The following USP13 variants were observed in gnomAD, a reference collection of about 807,000 sequenced individuals.
USP13 encodes ubiquitin specific peptidase 13.
Under a neutral mutation model 107.8 loss-of-function variants are expected in USP13, and 68 were observed. That is an observed-to-expected ratio of 0.63 (90% CI 0.52 to 0.77). The LOEUF is 0.77. Ranked by LOEUF, USP13 falls within the 30% of genes least tolerant of loss-of-function variation. The pLI, the probability that USP13 is intolerant of heterozygous loss-of-function variation, is 0.00. For synonymous variants in USP13, 377 were observed against 389.5 expected (o/e 0.97, Z 0.38); for missense variants, 945 against 1,093.3 (o/e 0.86, Z 1.91).
chr3:179,768,636 C>T (rs1381812043), intron 19 of USP13, among the ~76,000 whole-genome samples: 1 of 152,180 alleles, frequency 6.6e-6, no homozygotes, highest in Non-Finnish European at 1.5e-5. Context: ...TTTACAGAAC[C>T]ACAAATGTTT....
chr3:179,700,939 G>A, intron 3 of USP13, 69 bp from the exon 4 acceptor site: 2 of 1,518,630 alleles, frequency 1.3e-6, no homozygotes, highest in Non-Finnish European at 1.8e-6. Flanking sequence ...GGCTTTTCCA[G>A]TGAGTGCTGC....
chr3:179,753,307 T>C (rs1714675896), intron 14 of USP13, among the ~76,000 whole-genome samples: 1 of 152,206 alleles, frequency 6.6e-6, no homozygotes. Flanking sequence ...GAAATTGTGC[T>C]GGGCTGTTAC....
At chr3:179,696,956 T>C (rs1216330649) in intron 3 of USP13, among the ~76,000 whole-genome samples, 1 of 152,212 alleles carries the variant, frequency 6.6e-6, no homozygotes, top group Non-Finnish European at 1.5e-5. Context: ...ATGCATTTAA[T>C]TTAAAAAATA....
At chr3:179,740,471 CTCTT>C (rs1472975403) in intron 11 of USP13, 99 bp downstream of exon 11, 4 of 1,534,692 alleles carry the variant, frequency 2.6e-6, no homozygotes, top group Admixed American at 3.5e-5. Flanking sequence ...CCTCCCCACT[CTCTT>C]TCTTCAATCT....
intron 8 of USP13, among the ~76,000 whole-genome samples, chr3:179,729,182 A>C (rs541261042): frequency 4.1e-4 from 63 of 152,274 alleles, no homozygotes; most frequent in African/African-American, 1.4e-3. Flanking sequence ...TTTATAAACA[A>C]GGAGTTGGGT....
chr3:179,757,483 A>G (rs1210777515), intron 16 of USP13, among the ~76,000 whole-genome samples: 1 of 152,226 alleles, frequency 6.6e-6, no homozygotes, highest in African/African-American at 2.4e-5. Flanking sequence ...ATGAAGACAC[A>G]TAGCTGACAG....
chr3:179,775,022 G>T (rs1422114044), intron 19 of USP13, among the ~76,000 whole-genome samples: 1 of 152,174 alleles, frequency 6.6e-6, no homozygotes, highest in Non-Finnish European at 1.5e-5. Flanking sequence ...GTGCTGATTG[G>T]TGCCTTTACA....
In USP13 at chr3:179,745,127, C is replaced by A. The variant is rs1010292010; in HGVS notation, c.1619C>A (p.Pro540Gln). The change falls in exon 13 of 21, where the codon CCA (proline) becomes CAA (glutamine). Residue 540 changes from proline (P) to glutamine (Q), a missense_variant. By Grantham distance (76) the Pro-to-Gln change is moderately conservative. Coordinates refer to ENST00000263966, the MANE Select transcript of USP13 (RefSeq NM_003940.3). ...PLPELVRAKI[P>Q]FSACLQAFSE... ...CCTGAGTTGGTACGTGCCAAGATAC[C>A]ATTTAGTGCCTGCCTTCAGGCCTTC... 6.2e-7 allele frequency: 1 copy of A among 1,614,108 alleles called. No homozygotes were observed. Among genetic ancestry groups the A allele is most frequent in the Non-Finnish European group, 8.5e-7 (1 of 1,180,040 alleles).
chr3:179,772,170 C>G (rs1434689720), intron 19 of USP13, among the ~76,000 whole-genome samples: 10 of 152,200 alleles, frequency 6.6e-5, no homozygotes, highest in Admixed American at 5.2e-4. Context: ...CTACCATGTT[C>G]TGCACATTTT....
chr3:179,704,512 C>T (rs2108478162), intron 4 of USP13, among the ~76,000 whole-genome samples: 1 of 152,266 alleles, frequency 6.6e-6, no homozygotes, highest in South Asian at 2.1e-4. Flanking sequence ...AAAATTAGAT[C>T]CTATCCTTCT....
intron 1 of USP13, among the ~76,000 whole-genome samples, chr3:179,674,160 T>A (rs1376878897): frequency 6.6e-6 from 1 of 152,188 alleles, no homozygotes; most frequent in East Asian, 1.9e-4. Context: ...CCCAAAGTGT[T>A]GGGATTACAG....
chr3:179,711,515 AT>A (rs897731537), intron 6 of USP13, among the ~76,000 whole-genome samples: 2 of 151,770 alleles, frequency 1.3e-5, no homozygotes, highest in African/African-American at 2.4e-5. Context: ...GCCCAGCCAA[AT>A]TTTTTTTTAA....
At chr3:179,740,054 T>C (rs780237140) in intron 10 of USP13, among the ~76,000 whole-genome samples, 193 bp from the exon 11 acceptor site, 1 of 152,166 alleles carries the variant, frequency 6.6e-6, no homozygotes, top group Non-Finnish European at 1.5e-5. Flanking sequence ...GTGTTCTTCA[T>C]AAGGTTCATA....
chr3:179,701,401 T>C (rs1304363981), intron 4 of USP13, among the ~76,000 whole-genome samples: 1 of 152,160 alleles, frequency 6.6e-6, no homozygotes, highest in Non-Finnish European at 1.5e-5. Context: ...CTCTTCCAGG[T>C]TGGGCTGGCT....
At chr3:179,765,383 A>C (rs181842136) in intron 18 of USP13, among the ~76,000 whole-genome samples, 25 of 152,344 alleles carry the variant, frequency 1.6e-4, no homozygotes, top group Admixed American at 1.6e-3. Flanking sequence ...GTTATTCCAC[A>C]CCTATTATTA....
At chr3:179,774,963 G>T (rs1032702721) in intron 19 of USP13, among the ~76,000 whole-genome samples, 3 of 152,160 alleles carry the variant, frequency 2.0e-5, no homozygotes, top group African/African-American at 7.2e-5. Flanking sequence ...AGATTAACTA[G>T]ACACAGAGCA....
At chr3:179,730,352 A>G in intron 9 of USP13, 92 bp downstream of exon 9, 1 of 1,265,204 alleles carries the variant, frequency 7.9e-7, no homozygotes, top group Non-Finnish European at 1.1e-6. Flanking sequence ...ATTAAAGGCA[A>G]TTCTTCATGT....
intron 11 of USP13, among the ~76,000 whole-genome samples, chr3:179,741,693 C>T (rs562276224): frequency 1.2e-4 from 18 of 152,294 alleles, no homozygotes; most frequent in Non-Finnish European, 1.8e-4. Context: ...CTGCCCCTCC[C>T]ATCACTTTCC....
chr3:179,759,813 A>G (rs1286122363), intron 16 of USP13, among the ~76,000 whole-genome samples: 1 of 152,128 alleles, frequency 6.6e-6, no homozygotes, highest in Non-Finnish European at 1.5e-5. Context: ...AGCTGGGACT[A>G]CAGGTGCACG....
Sources: allele counts gnomAD v4.1 joint callset (sites outside exome capture counted in the v4.1 genomes callset), GRCh38; gene constraint gnomAD v4.1.1; transcripts MANE v1.5; gene names NCBI Gene and HGNC (gene_info 2026-07-23, HGNC 2026-07-21).